SLAMF7: variants seen among roughly 807,000 people sequenced by gnomAD.
SLAMF7 encodes the protein SLAM family member 7.
SLAMF7 carries 26 observed loss-of-function variants against 34.1 expected under a neutral mutation model. That is an observed-to-expected ratio of 0.76 (90% CI 0.56 to 1.06). The LOEUF (loss-of-function observed/expected upper bound fraction) is 1.06. Ranked by LOEUF, SLAMF7 falls within the 50% of genes least tolerant of loss-of-function variation. The pLI is 0.00. For synonymous variants in SLAMF7, 171 were observed against 156.4 expected, an observed-to-expected ratio of 1.09 and a Z score of -0.70; for missense variants, 399 against 402.5, an observed-to-expected ratio of 0.99 and a Z score of 0.07.
intron 1 of SLAMF7, among the ~76,000 whole-genome samples, chr1:160,747,842 T>A (rs1222139665): frequency 6.6e-6 from 1 of 152,246 alleles, no homozygotes; most frequent in Non-Finnish European, 1.5e-5. Context: ...TCCCCACATC[T>A]GTTTACTGGT....
intron 1 of SLAMF7, 37 bp downstream of exon 1, chr1:160,739,393 AC>A: frequency 6.3e-7 from 1 of 1,582,796 alleles, no homozygotes; most frequent in Non-Finnish European, 8.6e-7. Flanking sequence ...TCTCCTGTCT[AC>A]CCCATCCTGA....
chr1:160,750,444 G>A, intron 4 of SLAMF7, 21 bp downstream of exon 4: 1 of 1,609,734 alleles, frequency 6.2e-7, no homozygotes, highest in Non-Finnish European at 8.5e-7. Context: ...TACTATTTTT[G>A]TCCTCACCCA....
chr1:160,752,066 T>C, intron 5 of SLAMF7, 120 bp from the exon 6 acceptor site: 1 of 746,838 alleles, frequency 1.3e-6, no homozygotes, highest in Non-Finnish European at 2.2e-6. Flanking sequence ...CTCCTTTTCC[T>C]CTCACATCTC....
At chr1:160,752,274 A>G (rs527342) in intron 6 of SLAMF7, 26 bp downstream of exon 6, 1,535,549 of 1,592,632 alleles carry the variant, frequency 0.96, 741,643 homozygotes, top group Non-Finnish European at 0.98. Flanking sequence ...GCTTAACTTC[A>G]TCTTAATGGT....
chr1:160,751,816 ATCTCTCTC>A lies in SLAMF7; in HGVS notation c.874-330_874-323del, dbSNP rs71090324. 9.9e-3 allele frequency: 833 copies of A among 84,352 alleles called. 9 individuals are homozygous for A. Among genetic ancestry groups the A allele is most frequent in the African/African-American group, 0.012 (254 of 21,830 alleles). 5.2% of individuals were successfully genotyped at this position (84,352 alleles called of 1,614,324 possible). The stretch of plus-strand genomic sequence containing the variant: ...ATGGTATCAGAAGACTTCTCTAGAG[ATCTCTCTC>A]TCTCTCTCTCTCTCTCTCTCTCTCT... On this transcript the variant is annotated intron_variant, in intron 5 of 6. Transcript: ENST00000368043.
chr1:160,752,366 C>T (rs1013789888), intron 6 of SLAMF7, 118 bp downstream of exon 6: 19 of 703,614 alleles, frequency 2.7e-5, no homozygotes, highest in Non-Finnish European at 4.4e-5. Flanking sequence ...AAAAAGTACC[C>T]TAGTAGTTCC....
chr1:160,743,228 A>G (rs551312002), intron 1 of SLAMF7, among the ~76,000 whole-genome samples: 6 of 152,366 alleles, frequency 3.9e-5, no homozygotes, highest in African/African-American at 1.2e-4. Context: ...GGGATGTGTG[A>G]GAGGAAGAGT....
intron 1 of SLAMF7, among the ~76,000 whole-genome samples, chr1:160,746,698 G>A (rs1241407023): frequency 6.6e-6 from 1 of 152,210 alleles, no homozygotes; most frequent in East Asian, 1.9e-4. Context: ...AGTACATTCT[G>A]AGAGAAGGAA....
intron 1 of SLAMF7, among the ~76,000 whole-genome samples, chr1:160,741,570 TTTAAA>T (rs1235859043): frequency 6.6e-6 from 1 of 152,218 alleles, no homozygotes; most frequent in Non-Finnish European, 1.5e-5. Context: ...TGCCTTTTTT[TTTAAA>T]TCCATGGTTT....
chr1:160,752,655 C>T (rs1664730548), intron 6 of SLAMF7, among the ~76,000 whole-genome samples: 1 of 152,186 alleles, frequency 6.6e-6, no homozygotes, highest in Admixed American at 6.5e-5. Context: ...ACTTTTCTCC[C>T]ATGGTCCAGC....
intron 1 of SLAMF7, among the ~76,000 whole-genome samples, chr1:160,745,567 G>A (rs1008718653): frequency 5.3e-5 from 8 of 152,008 alleles, no homozygotes; most frequent in African/African-American, 1.9e-4. Context: ...GAAGTCAGGA[G>A]TTAGCAAATT....
intron 1 of SLAMF7, chr1:160,739,578 A>C: frequency 2.3e-6 from 1 of 442,058 alleles, no homozygotes; most frequent in Non-Finnish European, 4.0e-6. Flanking sequence ...TGACTGTCCC[A>C]GGGATGAAGG....
chr1:160,749,675 T>A lies in SLAMF7; in HGVS notation c.377-146T>A, dbSNP rs982686870. 4.9e-6 allele frequency: 3 copies of A among 617,298 alleles called. No homozygotes were observed. In the African/African-American group the frequency reaches 5.4e-5, roughly 11 times the overall value. 38.2% of individuals were successfully genotyped at this position (617,298 alleles called of 1,614,324 possible). On this transcript the variant is annotated intron_variant, in intron 2 of 6. Transcript: ENST00000368043. ...GACCTAGGTAGTTCTCTTTTCCAGA[T>A]ACGAATGAGGATTCTGCTCTGAATT... is the stretch of plus-strand genomic sequence containing the variant.
At chr1:160,749,006 T>A (rs1344321262) in intron 2 of SLAMF7, among the ~76,000 whole-genome samples, 3 of 152,218 alleles carry the variant, frequency 2.0e-5, no homozygotes, top group Non-Finnish European at 4.4e-5. Flanking sequence ...CTTTCAATTC[T>A]AGACCTTGGC....
chr1:160,743,721 C>T (rs1663924342), intron 1 of SLAMF7, among the ~76,000 whole-genome samples: 1 of 152,208 alleles, frequency 6.6e-6, no homozygotes, highest in African/African-American at 2.4e-5. Context: ...CAGGGTCTCA[C>T]TCTGTCATCC....
chr1:160,751,025 G>A (rs1571128328), intron 4 of SLAMF7: 6 of 330,766 alleles, frequency 1.8e-5, no homozygotes, highest in South Asian at 1.8e-4. Flanking sequence ...AACATCAGTT[G>A]GGTATGACTT....
At chr1:160,747,321 T>G (rs1485605143) in intron 1 of SLAMF7, among the ~76,000 whole-genome samples, 1 of 152,212 alleles carries the variant, frequency 6.6e-6, no homozygotes, top group Non-Finnish European at 1.5e-5. Flanking sequence ...TTACCCCCAC[T>G]GTGCCTCACA....
intron 1 of SLAMF7, among the ~76,000 whole-genome samples, chr1:160,743,440 T>C (rs1571107077): frequency 6.6e-6 from 1 of 152,290 alleles, no homozygotes; most frequent in Admixed American, 6.5e-5. Context: ...CAGCAATACA[T>C]TGTCATCCTG....
intron 1 of SLAMF7, among the ~76,000 whole-genome samples, chr1:160,747,213 A>G (rs1664199578): frequency 6.6e-6 from 1 of 152,042 alleles, no homozygotes; most frequent in Non-Finnish European, 1.5e-5. Flanking sequence ...CATTTCTACT[A>G]TTTAGTTTTC....
Sources: gnomAD v4.1 joint callset for allele counts (sites outside exome capture counted in the v4.1 genomes callset) on GRCh38, gnomAD v4.1.1 for gene constraint, MANE v1.5 for transcripts, NCBI Gene and HGNC (gene_info 2026-07-23, HGNC 2026-07-21) for gene names.